The following EYS variants were observed in gnomAD, a reference collection of about 807,000 sequenced individuals.
EYS encodes the protein protein eyes shut homolog.
Under a neutral mutation model 282.1 loss-of-function variants are expected in EYS, and 250 were observed. The observed-to-expected ratio is 0.89, with a 90% CI of 0.80 to 0.98. EYS has a LOEUF of 0.98. Among genes scored for constraint, EYS ranks in the 50% least tolerant of loss-of-function variants. The probability of loss-of-function intolerance (pLI) is 0.00; values close to 1 mark genes in which losing one functional copy is unlikely to be tolerated. For synonymous variants in EYS, 1,355 were observed against 1,282.9 expected, an observed-to-expected ratio of 1.06 and a Z score of -1.20; for missense variants, 4,016 against 3,709.0, an observed-to-expected ratio of 1.08 and a Z score of -2.15.
intron 30 of EYS, among the ~76,000 whole-genome samples, chr6:64,243,008 A>G (rs145312811): frequency 6.8e-6 from 1 of 146,928 alleles, no homozygotes; most frequent in Non-Finnish European, 1.5e-5. Context: ...ATTATAATTT[A>G]TATATATTTA....
intron 12 of EYS, among the ~76,000 whole-genome samples, chr6:65,174,627 A>C (rs1765184042): frequency 6.6e-6 from 1 of 151,372 alleles, no homozygotes; most frequent in Admixed American, 6.6e-5. Context: ...GATCTTCTAA[A>C]GTTTCATCTG....
At chr6:65,368,993 A>T (rs1422862058) in intron 8 of EYS, among the ~76,000 whole-genome samples, 1 of 151,326 alleles carries the variant, frequency 6.6e-6, no homozygotes. Context: ...TTGTTATTTT[A>T]TGCTTAATAC....
At chr6:65,349,686 A>G (rs1258084141) in intron 9 of EYS, among the ~76,000 whole-genome samples, 1 of 151,500 alleles carries the variant, frequency 6.6e-6, no homozygotes, top group Admixed American at 6.6e-5. Context: ...TTCTGAAATT[A>G]TAAAACTCAC....
At chr6:64,968,874 C>A (rs1379924481) in intron 14 of EYS, among the ~76,000 whole-genome samples, 1 of 152,124 alleles carries the variant, frequency 6.6e-6, no homozygotes, top group East Asian at 1.9e-4. Flanking sequence ...TCTTCCAACC[C>A]CAGACCACAT....
intron 1 of EYS, among the ~76,000 whole-genome samples, chr6:65,662,122 T>C (rs559580167): frequency 6.6e-6 from 1 of 152,076 alleles, no homozygotes; most frequent in South Asian, 2.1e-4. Context: ...TAAATTAAGG[T>C]TAAGGATAAA....
intron 7 of EYS, 65 bp from the exon 8 acceptor site, chr6:65,384,565 C>G (rs111574438): frequency 4.9e-6 from 4 of 813,614 alleles, no homozygotes; most frequent in Non-Finnish European, 6.2e-6. Context: ...AGCCTATTAA[C>G]ATTATTCCAA....
chr6:65,674,280 T>C (rs556371882), intron 1 of EYS, among the ~76,000 whole-genome samples: 3 of 151,626 alleles, frequency 2.0e-5, no homozygotes, highest in Admixed American at 2.0e-4. Context: ...AACAACCACG[T>C]TGAAGAAGTC....
intron 26 of EYS, among the ~76,000 whole-genome samples, chr6:64,463,108 G>A (rs150556647): frequency 0.014 from 2,095 of 151,732 alleles, 38 homozygotes; most frequent in African/African-American, 0.04. Context: ...CACCACGCCC[G>A]GCTATTTATT....
At chr6:64,256,493 C>T (rs1767405564) in intron 30 of EYS, among the ~76,000 whole-genome samples, 1 of 152,028 alleles carries the variant, frequency 6.6e-6, no homozygotes, top group South Asian at 2.1e-4. Context: ...ATTTAAGCAG[C>T]TCCTGTGGAT....
chr6:63,751,323 T>C (rs558631076), intron 41 of EYS, among the ~76,000 whole-genome samples: 2 of 152,298 alleles, frequency 1.3e-5, no homozygotes, highest in South Asian at 2.1e-4. Flanking sequence ...ATAAAAAACA[T>C]TTTGACTTTA....
chr6:64,284,660 T>G (rs2150362981), intron 30 of EYS, among the ~76,000 whole-genome samples: 1 of 152,334 alleles, frequency 6.6e-6, no homozygotes, highest in East Asian at 1.9e-4. Context: ...TGCAGCAAAC[T>G]TCTGCCTGGG....
At chr6:65,121,501 T>A (rs1196935408) in intron 12 of EYS, among the ~76,000 whole-genome samples, 1 of 149,330 alleles carries the variant, frequency 6.7e-6, no homozygotes. Context: ...TTTTCATGAG[T>A]GTCTTATTGG....
intron 35 of EYS, among the ~76,000 whole-genome samples, chr6:63,927,479 T>C (rs956305760): frequency 2.6e-5 from 4 of 152,226 alleles, no homozygotes; most frequent in Admixed American, 2.6e-4. Context: ...TTAACATTTC[T>C]GCTGATCTGG....
intron 14 of EYS, among the ~76,000 whole-genome samples, chr6:64,954,753 CT>C (rs1202441619): frequency 6.6e-6 from 1 of 152,108 alleles, no homozygotes; most frequent in Non-Finnish European, 1.5e-5. Flanking sequence ...TCCCCCACCC[CT>C]GGCAAGGGCA....
intron 8 of EYS, among the ~76,000 whole-genome samples, chr6:65,377,676 A>C (rs998594184): frequency 6.6e-5 from 10 of 152,132 alleles, no homozygotes; most frequent in African/African-American, 2.2e-4. Flanking sequence ...GACACAATAA[A>C]AAATGATAAA....
intron 12 of EYS, among the ~76,000 whole-genome samples, chr6:65,060,765 CAT>C (rs1214919720): frequency 1.4e-5 from 2 of 140,126 alleles, no homozygotes; most frequent in Non-Finnish European, 1.5e-5. Flanking sequence ...TGTGTATATA[CAT>C]GTGTATATAT....
At chr6:63,960,327 T>G (rs1018193856) in intron 35 of EYS, among the ~76,000 whole-genome samples, 1 of 152,216 alleles carries the variant, frequency 6.6e-6, no homozygotes, top group African/African-American at 2.4e-5. Flanking sequence ...AAGATACGAC[T>G]GAATTGCTAT....
At chr6:65,589,052 C>T (rs1765147184) in intron 2 of EYS, among the ~76,000 whole-genome samples, 1 of 151,958 alleles carries the variant, frequency 6.6e-6, no homozygotes, top group South Asian at 2.1e-4. Context: ...AGTTTATTTT[C>T]TCCTGTATCA....
At chr6:65,577,727 T>TTAA (rs1306412056) in intron 2 of EYS, among the ~76,000 whole-genome samples, 1 of 141,742 alleles carries the variant, frequency 7.1e-6, no homozygotes, top group East Asian at 2.1e-4. Context: ...CTCAATAATA[T>TTAA]TAATAATAAT....
Sources: allele counts gnomAD v4.1 joint callset (sites outside exome capture counted in the v4.1 genomes callset), GRCh38; gene constraint gnomAD v4.1.1; transcripts MANE v1.5; gene names NCBI Gene and HGNC (gene_info 2026-07-23, HGNC 2026-07-21).